WWC2: variants seen among roughly 807,000 people sequenced by gnomAD.
WWC2 encodes the protein WW and C2 domain containing 2.
Under a neutral mutation model 138.5 loss-of-function variants are expected in WWC2, and 101 were observed. The ratio of observed to expected loss-of-function variants is 0.73; its 90% CI spans 0.62 to 0.86. The LOEUF is 0.86. WWC2 is among the 40% of genes least tolerant of loss of function. The pLI is 0.00. For synonymous variants in WWC2, 558 were observed against 538.4 expected, an observed-to-expected ratio of 1.04 and a Z score of -0.50; for missense variants, 1,420 against 1,419.4, an observed-to-expected ratio of 1.00 and a Z score of -0.01.
rs9997705 is a variant in WWC2, at chr4:183,111,096, C to T, written c.131+11474C>T. On this transcript the variant is annotated intron_variant, in intron 1 of 22. Transcript: ENST00000403733. ...CTACTAAAAATATAAAATAATTAGC[C>T]GGGCGTCGTGGCAGGCGCTGGTAGT... Among the ~76,000 whole-genome samples the T allele has an allele frequency of 3.6e-3, 549 of 152,024 alleles. 6 individuals carry two copies. The highest frequency in any genetic ancestry group is 0.011 in the African/African-American group (464 of 41,452).
chr4:183,228,409 A>T (rs1736135320), intron 4 of WWC2, among the ~76,000 whole-genome samples: 1 of 152,102 alleles, frequency 6.6e-6, no homozygotes, highest in African/African-American at 2.4e-5. Context: ...CACGTGGTTG[A>T]CAAGCTTTAT....
chr4:183,216,048 G>A (rs1735746750), intron 4 of WWC2, among the ~76,000 whole-genome samples: 1 of 152,148 alleles, frequency 6.6e-6, no homozygotes, highest in South Asian at 2.1e-4. Context: ...AAGATATAAT[G>A]AATACATTCA....
At position 183,184,097 on chromosome 4, in the gene WWC2, T is replaced by C. The variant is rs184109520; in HGVS notation, c.132-9502T>C. On this transcript the variant is annotated intron_variant, in intron 1 of 22. Coordinates refer to ENST00000403733, the MANE Select transcript of WWC2 (RefSeq NM_024949.6). ...AACCCCTATATTTAGTTTCAGAACA[T>C]TGTCATCCTCCTCCAAGGTACCCAC... is the stretch of plus-strand genomic sequence containing the variant. 4.8e-4 allele frequency among the ~76,000 whole-genome samples: 73 copies of C among 152,318 alleles called. 1 individual carries two copies. The East Asian group carries it at 0.01, about 21-fold the overall frequency.
At chr4:183,257,381 G>A (rs1213193244) in intron 9 of WWC2, among the ~76,000 whole-genome samples, 1 of 152,120 alleles carries the variant, frequency 6.6e-6, no homozygotes, top group Admixed American at 6.5e-5. Flanking sequence ...GAGAAACCAG[G>A]CTGTGCTTCT....
Position 183,127,275 on chromosome 4 carries a change from A to G in WWC2, c.131+27653A>G, listed in dbSNP as rs1186366465. On this transcript the variant is annotated intron_variant, in intron 1 of 22. Transcript: ENST00000403733. ...GAGAAGGCCTTTCGAGGCATTATAT[A>G]AAACCCAGAAGCATAAAAGACTGGG... 2.0e-5 allele frequency among the ~76,000 whole-genome samples: 3 copies of G among 152,254 alleles called. No homozygotes were observed. In the East Asian group the frequency reaches 5.8e-4, roughly 29 times the overall value.
intron 1 of WWC2, among the ~76,000 whole-genome samples, chr4:183,117,295 A>C (rs1179802167): frequency 1.9e-4 from 25 of 134,214 alleles, no homozygotes; most frequent in African/African-American, 6.6e-4. Flanking sequence ...ATCTTGGCTC[A>C]CTGCAACCTC....
In WWC2 at chr4:183,099,507, G is replaced by C; in HGVS notation, c.16G>C (p.Gly6Arg). The C allele has an allele frequency of 7.2e-7, 1 of 1,386,424 alleles. No individual in the cohort carries two copies. The highest frequency in any genetic ancestry group is 1.6e-5 in the South Asian group (1 of 63,568). The allele number at this position is 1,386,424 out of a possible 1,614,324, so 85.9% of individuals were successfully genotyped here. Residue 6 changes from glycine (G) to arginine (R), a missense_variant, in exon 1 of 23, where the codon GGG (glycine) becomes CGG (arginine). Transcript: ENST00000403733. MPRRAGSGQLPLPRGW... is the reference protein window; with the variant it reads MPRRARSGQLPLPRGW... ...GCCGCCGACCATGCCTAGGAGGGCC[G>C]GGAGCGGTCAGCTGCCGCTGCCCCG...
intron 21 of WWC2, among the ~76,000 whole-genome samples, chr4:183,306,470 T>G (rs1315986754): frequency 6.6e-6 from 1 of 152,134 alleles, no homozygotes; most frequent in African/African-American, 2.4e-5. Context: ...TATATTAATT[T>G]CAGATGGAGC....
chr4:183,301,806 T>C (rs1384463072), intron 21 of WWC2, among the ~76,000 whole-genome samples: 1 of 152,238 alleles, frequency 6.6e-6, no homozygotes, highest in Non-Finnish European at 1.5e-5. Flanking sequence ...AAGTCCTTCT[T>C]GGAGTTGTAC....
intron 1 of WWC2, among the ~76,000 whole-genome samples, chr4:183,142,331 A>T (rs776107497): frequency 6.6e-6 from 1 of 152,214 alleles, no homozygotes; most frequent in South Asian, 2.1e-4. Flanking sequence ...TGTCCCAAAT[A>T]TGCTTTTTTG....
intron 2 of WWC2, among the ~76,000 whole-genome samples, chr4:183,196,865 A>G (rs1261128264): frequency 6.6e-6 from 1 of 152,158 alleles, no homozygotes; most frequent in Non-Finnish European, 1.5e-5. Flanking sequence ...TCCCCGTCCC[A>G]TTCTGGTCGA....
intron 10 of WWC2, among the ~76,000 whole-genome samples, chr4:183,260,182 C>CTT (rs556257024): frequency 6.6e-6 from 1 of 151,108 alleles, no homozygotes; most frequent in Non-Finnish European, 1.5e-5. Context: ...AAATAAAAAG[C>CTT]TTTTTTTTTA....
intron 21 of WWC2, among the ~76,000 whole-genome samples, chr4:183,304,476 A>G (rs971812055): frequency 3.9e-5 from 6 of 152,150 alleles, no homozygotes; most frequent in African/African-American, 1.4e-4. Flanking sequence ...CAGAGGGAGG[A>G]AAAAAGTAGC....
intron 1 of WWC2, among the ~76,000 whole-genome samples, chr4:183,145,929 A>G (rs1318924322): frequency 6.6e-6 from 1 of 152,188 alleles, no homozygotes; most frequent in African/African-American, 2.4e-5. Flanking sequence ...CTTCCCTGTC[A>G]GAGATACTAC....
intron 1 of WWC2, among the ~76,000 whole-genome samples, chr4:183,142,481 A>T (rs1397288757): frequency 1.3e-5 from 2 of 152,232 alleles, no homozygotes; most frequent in Non-Finnish European, 2.9e-5. Flanking sequence ...ACCCAAGTAC[A>T]GTACTCTTAA....
rs1443220233 is a variant in WWC2 at position 183,319,724 on chromosome 4, G to A, written c.*3995G>A. On this transcript the variant is annotated 3_prime_UTR_variant, in exon 23 of 23. Coordinates refer to ENST00000403733, the MANE Select transcript of WWC2 (RefSeq NM_024949.6). Reference sequence around the variant, plus strand: ...GTCCAGCAAACCAGCCCAGAAACAGGGCCTCCCCAAACTCCCACCTGGGGA... The same window carrying A: ...GTCCAGCAAACCAGCCCAGAAACAGAGCCTCCCCAAACTCCCACCTGGGGA... The A allele has an allele frequency of 6.2e-7, 1 of 1,613,958 alleles. No individual in the cohort carries two copies. The highest frequency in any genetic ancestry group is 8.5e-7 in the Non-Finnish European group (1 of 1,179,952).
chr4:183,203,397 C>T (rs1319829314), intron 2 of WWC2: 1 of 151,862 alleles, frequency 6.6e-6, no homozygotes. Context: ...TTTTTTTCTT[C>T]TTCCTCCTGC....
intron 4 of WWC2, chr4:183,234,023 A>G (rs1256618854): frequency 1.3e-5 from 2 of 152,210 alleles, no homozygotes; most frequent in Non-Finnish European, 2.9e-5. Flanking sequence ...TTTTAGGGCA[A>G]ACTTTTGAAA....
chr4:183,235,623 A>G (rs754773839), intron 4 of WWC2, among the ~76,000 whole-genome samples: 15 of 152,296 alleles, frequency 9.8e-5, no homozygotes, highest in South Asian at 2.1e-4. Flanking sequence ...ACTTGGCACA[A>G]TGTCCTCAAG....
Sources: gnomAD v4.1 joint callset for allele counts (sites outside exome capture counted in the v4.1 genomes callset) on GRCh38, gnomAD v4.1.1 for gene constraint, MANE v1.5 for transcripts, NCBI Gene and HGNC (gene_info 2026-07-23, HGNC 2026-07-21) for gene names.